Variants in HSPD1 observed in about 807,000 individuals in gnomAD.
HSPD1 encodes heat shock protein family D (Hsp60) member 1.
In HSPD1, 3 loss-of-function variants were observed where a neutral mutation model predicts 53.0. The observed-to-expected ratio is 0.06, with a 90% CI of 0.03 to 0.15. The LOEUF (loss-of-function observed/expected upper bound fraction) is 0.15, where lower values mean the gene tolerates loss of function less well. Among genes scored for constraint, HSPD1 ranks in the 10% least tolerant of loss-of-function variants. HSPD1 has a pLI of 1.00. For missense variants in HSPD1, 431 were observed against 694.1 expected, an observed-to-expected ratio of 0.62 and a Z score of 4.26; for synonymous variants, 200 against 228.0, an observed-to-expected ratio of 0.88 and a Z score of 1.10.
At chr2:197,488,140 C>CAGATCAAATCATTTCCTCTGAAA in intron 10 of HSPD1, 104 bp from the exon 11 acceptor site, 1 of 998,026 alleles carries the variant, frequency 1.0e-6, no homozygotes, top group Admixed American at 2.0e-5. Context: ...AATCCTACTA[C>CAGATCAAATCATTTCCTCTGAAA]AGATCAAATC....
intron 7 of HSPD1, among the ~76,000 whole-genome samples, chr2:197,492,581 A>C (rs531725736): frequency 2.6e-5 from 4 of 152,194 alleles, no homozygotes; most frequent in African/African-American, 7.2e-5. Context: ...AAAACCTTAA[A>C]AAAACAAAAC....
At chr2:197,497,047 TTCC>T (rs2086167154) in intron 3 of HSPD1, 90 bp downstream of exon 3, 1 of 1,262,714 alleles carries the variant, frequency 7.9e-7, no homozygotes, top group Non-Finnish European at 1.2e-6. Context: ...AAGGATTAAT[TTCC>T]TCAAGTTAAC....
At chr2:197,488,148 A>C (rs1249699388) in intron 10 of HSPD1, 112 bp from the exon 11 acceptor site, 4 of 1,002,562 alleles carry the variant, frequency 4.0e-6, no homozygotes, top group Non-Finnish European at 6.2e-6. Flanking sequence ...TACAGATCAA[A>C]TCATTTCCTC....
chr2:197,500,231 T>C (rs927734022), upstream of HSPD1: 3 of 646,096 alleles, frequency 4.6e-6, no homozygotes, highest in African/African-American at 3.7e-5. Flanking sequence ...CGCGTCAGCG[T>C]CCTGCGCAGG....
chr2:197,498,035 T>C (rs2086180771), intron 2 of HSPD1, among the ~76,000 whole-genome samples: 1 of 152,220 alleles, frequency 6.6e-6, no homozygotes. Context: ...AAATGAGACT[T>C]ATTTTAAATA....
chr2:197,497,908 T>C (rs540931823), intron 2 of HSPD1, among the ~76,000 whole-genome samples: 2 of 152,332 alleles, frequency 1.3e-5, no homozygotes, highest in Admixed American at 6.5e-5. Flanking sequence ...GGTGTGCAAA[T>C]GTTGTATTTT....
chr2:197,492,998 C>T (rs1441759353), intron 7 of HSPD1, among the ~76,000 whole-genome samples: 1 of 140,500 alleles, frequency 7.1e-6, no homozygotes, highest in Admixed American at 7.3e-5. Flanking sequence ...GGGAGTGAGA[C>T]TCTGTCTCAA....
At chr2:197,495,214 T>C (rs976259399) in intron 4 of HSPD1, 80 bp downstream of exon 4, 59 of 773,154 alleles carry the variant, frequency 7.6e-5, no homozygotes, top group Middle Eastern at 7.0e-4. Flanking sequence ...TATTCTGACA[T>C]TGGTGTGATC....
At chr2:197,498,629 T>A in intron 2 of HSPD1, 46 bp downstream of exon 2, 3 of 1,518,556 alleles carry the variant, frequency 2.0e-6, no homozygotes, top group Non-Finnish European at 1.8e-6. Flanking sequence ...GTGAGTAAAA[T>A]GCTATTAATA....
rs777834868 is a variant in HSPD1 at position 197,494,800 on chromosome 2, C to T, written c.511-48G>A. 2.4e-6 allele frequency: 3 copies of T among 1,226,838 alleles called. No homozygotes were observed. In the East Asian group the frequency reaches 7.0e-5, roughly 28 times the overall value. The allele number at this position is 1,226,838 out of a possible 1,614,324, so 76.0% of individuals were successfully genotyped here. ...CGAAATTAAAAGGTAAGCCTAGTGTCCTCAGTCAGTTCCCTTACCTTTTCC... is the reference window on the plus strand; with the variant it reads ...CGAAATTAAAAGGTAAGCCTAGTGTTCTCAGTCAGTTCCCTTACCTTTTCC... On this transcript the variant is annotated intron_variant, in intron 4 of 11. Coordinates refer to ENST00000388968, the MANE Select transcript of HSPD1 (RefSeq NM_002156.5).
chr2:197,490,415 GTTTTTTTGTTT>G (rs2086076626), intron 7 of HSPD1, 119 bp from the exon 8 acceptor site: 7 of 728,724 alleles, frequency 9.6e-6, no homozygotes, highest in Non-Finnish European at 1.7e-5. Flanking sequence ...TGGTTTTTGT[GTTTTTTTGTTT>G]TTTTTTTGCT....
In HSPD1 at chr2:197,486,899, G is replaced by A. The variant is rs2086032588; in HGVS notation, c.*147C>T. On this transcript the variant is annotated 3_prime_UTR_variant, in exon 12 of 12. Transcript: ENST00000388968. ...TAAACCATTATATATTTTGTCAACTGAAACCAGTAACTGATGGTTATAGTG... is the reference window on the plus strand; with the variant it reads ...TAAACCATTATATATTTTGTCAACTAAAACCAGTAACTGATGGTTATAGTG... 1.5e-6 allele frequency: 1 copy of A among 672,562 alleles called. No homozygotes were observed. The highest frequency in any genetic ancestry group is 1.8e-5 in the African/African-American group (1 of 55,680). The allele number at this position is 672,562 out of a possible 1,614,324, so 41.7% of individuals were successfully genotyped here.
At chr2:197,499,581 C>G (rs2086214284) in intron 1 of HSPD1, 1 of 152,482 alleles carries the variant, frequency 6.6e-6, no homozygotes, top group African/African-American at 2.4e-5. Flanking sequence ...CCGCGCCCAG[C>G]CGAGGTCCAG....
chr2:197,496,351 TA>T (rs772601510), intron 3 of HSPD1, among the ~76,000 whole-genome samples: 1 of 152,214 alleles, frequency 6.6e-6, no homozygotes, highest in Non-Finnish European at 1.5e-5. Flanking sequence ...TAGTGAAGTA[TA>T]TTCACTTGGC....
rs1360095809 is a variant in HSPD1 at position 197,497,206 on chromosome 2, G to A, written c.361C>T (p.Arg121Cys). ...DGTTTATVLA[R>C]SIAKEGFEKI... ...TCGAAGCCTTCCTTGGCTATAGAGC[G>A]TGCCAGTACAGTAGCAGTGGTAGTG... The change falls in exon 3 of 12, where the codon CGC becomes TGC. Residue 121 changes from arginine to cysteine, a missense_variant. Around this residue, in one of 2 missense-constraint regions of HSPD1, gnomAD observed 386 missense variants for 657.6 expected, o/e 0.59. Transcript: ENST00000388968. 10 of 1,613,322 alleles carry A rather than the reference G, an allele frequency of 6.2e-6. No individual in the cohort carries two copies. The highest frequency in any genetic ancestry group is 8.5e-6 in the Non-Finnish European group (10 of 1,179,348).
chr2:197,487,121 A>C lies in HSPD1; in HGVS notation c.1647T>G (p.Ile549Met), dbSNP rs1448444346. Residue 549 changes from isoleucine (I) to methionine (M), a missense_variant, in exon 12 of 12, where the codon ATT becomes ATG. Ile to Met is a conservative substitution (Grantham distance 10). Around this residue, in one of 2 missense-constraint regions of HSPD1, gnomAD observed 386 missense variants for 657.6 expected, o/e 0.59. Transcript: ENST00000388968. ...TTCCAGGGTCCTTCTCTTCTTTAGG[A>C]ATTTCTGTGACTACAACTTCTGCTG... ...LTTAEVVVTE[I>M]PKEEKDPGMG... The C allele has an allele frequency of 1.9e-6, 3 of 1,585,098 alleles. No individual in the cohort carries two copies. The Admixed American group carries it at 5.0e-5, about 27-fold the overall frequency.
In HSPD1 at chr2:197,494,117, A is replaced by G. The variant is rs370894150; in HGVS notation, c.700+40T>C. On this transcript the variant is annotated intron_variant, in intron 6 of 11. Coordinates refer to ENST00000388968, the MANE Select transcript of HSPD1 (RefSeq NM_002156.5). ...CAGAGAATGAGACTCTGTCTAAAAT[A>G]ATAAAAATAATAATAATTCAGTTAT... The G allele has an allele frequency of 7.3e-6, 7 of 959,472 alleles. No individual in the cohort carries two copies. The South Asian group carries it at 9.3e-5, about 13-fold the overall frequency. 59.4% of individuals were successfully genotyped at this position (959,472 alleles called of 1,614,324 possible).
At position 197,488,305 on chromosome 2, in the gene HSPD1, G is replaced by GT. The variant is rs2106070845; in HGVS notation, c.1390+11dup. ...ATCAGGCCACAAACTCATTTAAAAGGTAACTTTTTACCAATTTTTTGATCT... is the reference window on the plus strand; with the variant it reads ...ATCAGGCCACAAACTCATTTAAAAGGTTAACTTTTTACCAATTTTTTGATCT... On this transcript the variant is annotated intron_variant, in intron 10 of 11. Transcript: ENST00000388968. 6.2e-7 allele frequency: 1 copy of GT among 1,612,854 alleles called. No individual in the cohort carries two copies. The highest frequency in any genetic ancestry group is 2.2e-5 in the East Asian group (1 of 44,872).
intron 5 of HSPD1, 39 bp from the exon 6 acceptor site, chr2:197,494,289 G>C (rs1470981989): frequency 1.0e-6 from 1 of 1,000,456 alleles, no homozygotes; most frequent in African/African-American, 1.6e-5. Flanking sequence ...GGATTTCATT[G>C]AACACAAAAC....
Sources: gnomAD v4.1 joint callset for allele counts (sites outside exome capture counted in the v4.1 genomes callset) on GRCh38, gnomAD v4.1.1 for gene constraint, gnomAD v4.1.1 regional missense constraint, MANE v1.5 for transcripts, NCBI Gene and HGNC (gene_info 2026-07-23, HGNC 2026-07-21) for gene names.